Variants in MYO7B observed in about 807,000 individuals in gnomAD.
MYO7B encodes the protein myosin VIIB, also known as unconventional myosin-VIIb.
A neutral mutation model predicts 259.7 loss-of-function variants in MYO7B; 212 were observed. That is an observed-to-expected ratio of 0.82 (90% CI 0.73 to 0.91). The LOEUF (loss-of-function observed/expected upper bound fraction) is 0.91, where lower values mean the gene tolerates loss of function less well. MYO7B is among the 40% of genes least tolerant of loss of function. The pLI, the probability that MYO7B is intolerant of heterozygous loss-of-function variation, is 0.00. For missense variants in MYO7B, 2,732 were observed against 2,813.5 expected (o/e 0.97, Z 0.66); for synonymous variants, 1,197 against 1,166.4 (o/e 1.03, Z -0.54).
Position 127,578,227 on chromosome 2 carries a change from G to A in MYO7B, c.944G>A (p.Ser315Asn). The change falls in exon 9 of 48, where the codon AGC (serine) becomes AAC (asparagine). Residue 315 changes from serine (S) to asparagine (N), a missense_variant. This residue lies in a region of MYO7B where 1,906 missense variants were observed against 2,026.4 expected (regional missense o/e 0.94). Coordinates refer to ENST00000409816, the MANE Select transcript of MYO7B (RefSeq NM_001393586.1). ...MKILQFSDSESWDVIKLLAAI... is the reference protein window; with the variant it reads ...MKILQFSDSENWDVIKLLAAI... ...ATCCTCCAGTTCTCCGACTCCGAGA[G>A]CTGGGACGTCATCAAGCTGCTGGCT... The A allele has an allele frequency of 6.2e-7, 1 of 1,613,870 alleles. No individual in the cohort carries two copies. The highest frequency in any genetic ancestry group is 1.1e-5 in the South Asian group (1 of 91,066).
rs376191049 is a variant in MYO7B, at chr2:127,636,948, T to C, written c.6327+35T>C. 26 of 1,605,686 alleles carry C rather than the reference T, an allele frequency of 1.6e-5. No homozygotes were observed. Among genetic ancestry groups the C allele is most frequent in the Middle Eastern group, 1.6e-4 (1 of 6,062 alleles). On this transcript the variant is annotated intron_variant, in intron 47 of 47. Transcript: ENST00000409816. This position sits in a 1 kb window ranked among gnomAD's most constrained non-coding sequence, Gnocchi z 4.5. Reference sequence around the variant, plus strand: ...GGTTCTTTCTCCCATCCAAGATGCATAGGACAGAGCTGCTGGAGACTGGGT... The same window carrying C: ...GGTTCTTTCTCCCATCCAAGATGCACAGGACAGAGCTGCTGGAGACTGGGT...
chr2:127,602,999 C>CAA (rs1176015695), intron 19 of MYO7B, among the ~76,000 whole-genome samples: 2 of 120,646 alleles, frequency 1.7e-5, no homozygotes. Context: ...GACCTTGTCT[C>CAA]AAAAAAAAAA....
chr2:127,546,666 T>C lies in MYO7B; in HGVS notation c.-24+10835T>C, dbSNP rs1321298204. 6.6e-6 allele frequency among the ~76,000 whole-genome samples: 1 copy of C among 152,174 alleles called. No individual in the cohort carries two copies. The highest frequency in any genetic ancestry group is 1.5e-5 in the Non-Finnish European group (1 of 68,034). ...TGCCTCAGGGCTTAACAAAAGGAAC[T>C]GGACTAAGAAGTCATCCCATTCCCA... On this transcript the variant is annotated intron_variant, in intron 1 of 47. Transcript: ENST00000409816. The surrounding 1 kb of genome is among the most constrained non-coding windows in gnomAD (Gnocchi z 4.2).
rs1680266050 is a variant in MYO7B at position 127,608,888 on chromosome 2, G to A, written c.2814+10G>A. The A allele has an allele frequency of 1.9e-6, 3 of 1,609,062 alleles. No individual in the cohort carries two copies. The highest frequency in any genetic ancestry group is 1.3e-5 in the African/African-American group (1 of 74,900). ...CTCGCCGCACTTTGAGGTAACACAA[G>A]CCTGGTGTCCACAATCCGCCCCGGG... On this transcript the variant is annotated intron_variant, in intron 22 of 47. Coordinates refer to ENST00000409816, the MANE Select transcript of MYO7B (RefSeq NM_001393586.1).
At chr2:127,620,855 T>G (rs1680809356) in intron 27 of MYO7B, among the ~76,000 whole-genome samples, 1 of 152,258 alleles carries the variant, frequency 6.6e-6, no homozygotes, top group South Asian at 2.1e-4. Flanking sequence ...GGAGCTGGGT[T>G]GGCCGAGTGT....
intron 6 of MYO7B, 127 bp from the exon 7 acceptor site, chr2:127,573,793 T>G (rs1395630319): frequency 8.0e-7 from 1 of 1,254,760 alleles, no homozygotes. Context: ...CACTGTCTGG[T>G]GCAGCCGTGC....
Position 127,611,240 on chromosome 2 carries a change from G to A in MYO7B, c.3193-1010G>A. ...AGTGATCCAAGAAGAAAAGCAAGAA[G>A]GAAAGTGCAAATGTCCAGTCTTGGA... On this transcript the variant is annotated intron_variant, in intron 24 of 47. Coordinates refer to ENST00000409816, the MANE Select transcript of MYO7B (RefSeq NM_001393586.1). The surrounding 1 kb of genome is among the most constrained non-coding windows in gnomAD (Gnocchi z 5.4). Among the ~76,000 whole-genome samples the A allele has an allele frequency of 6.6e-6, 1 of 152,246 alleles. No homozygotes were observed. The highest frequency in any genetic ancestry group is 1.5e-5 in the Non-Finnish European group (1 of 68,046).
In MYO7B at chr2:127,609,225, G is replaced by A. The variant is rs1278910363; in HGVS notation, c.2815-281G>A. Among the ~76,000 whole-genome samples, 7 of 152,044 alleles carry A rather than the reference G, an allele frequency of 4.6e-5. No homozygotes were observed. The highest frequency in any genetic ancestry group is 2.6e-4 in the Admixed American group (4 of 15,278). ...GCAGTGTGGCTGAGGAAGCTGCAGT[G>A]AGGATGGTGCATGCGGCAGAGGACA... On this transcript the variant is annotated intron_variant, in intron 22 of 47. Transcript: ENST00000409816. The surrounding 1 kb of genome is among the most constrained non-coding windows in gnomAD (Gnocchi z 6.9).
At chr2:127,612,676 A>G in intron 26 of MYO7B, 73 bp downstream of exon 26, 1 of 1,551,456 alleles carries the variant, frequency 6.4e-7, no homozygotes, top group South Asian at 1.2e-5. Flanking sequence ...CCATGGCCAC[A>G]GCCTCCCCCA....
intron 12 of MYO7B, among the ~76,000 whole-genome samples, chr2:127,582,889 TCTGGCACCCCAGACTAGAAG>T (rs1679160375): frequency 6.6e-6 from 1 of 152,228 alleles, no homozygotes; most frequent in Non-Finnish European, 1.5e-5. Flanking sequence ...ATCCCAGTGT[TCTGGCACCCCAGACTAGAAG>T]CTGGAGAGCT....
At chr2:127,549,155 CCTTCCTTCCTTT>C (rs796693990) in intron 1 of MYO7B, among the ~76,000 whole-genome samples, 886 of 45,424 alleles carry the variant, frequency 0.02, 8 homozygotes, top group African/African-American at 0.073. Flanking sequence ...TTTCTTCCTT[CCTTCCTTCCTTT>C]CTTTCTTTCT....
In MYO7B at chr2:127,584,069, C is replaced by G; in HGVS notation, c.1344-53C>G. The stretch of plus-strand genomic sequence containing the variant: ...ATCCTATGGCTCCAGCCTGCTGCAG[C>G]GGGGACTCAGCTGGCCCCACTCCAC... On this transcript the variant is annotated intron_variant, in intron 12 of 47. Coordinates refer to ENST00000409816, the MANE Select transcript of MYO7B (RefSeq NM_001393586.1). This position sits in a 1 kb window ranked among gnomAD's most constrained non-coding sequence, Gnocchi z 5.8. 1 of 1,518,268 alleles carries G rather than the reference C, an allele frequency of 6.6e-7. No homozygotes were observed. The highest frequency in any genetic ancestry group is 9.0e-7 in the Non-Finnish European group (1 of 1,110,598). 94.0% of individuals were successfully genotyped at this position (1,518,268 alleles called of 1,614,324 possible).
At chr2:127,560,079 T>G (rs1678012148) in intron 2 of MYO7B, among the ~76,000 whole-genome samples, 1 of 150,298 alleles carries the variant, frequency 6.7e-6, no homozygotes, top group Non-Finnish European at 1.5e-5. Flanking sequence ...CAGGCTGGAG[T>G]CCAGTGGCAC....
intron 1 of MYO7B, among the ~76,000 whole-genome samples, chr2:127,550,558 C>CAAA (rs11354503): frequency 1.4e-5 from 2 of 141,530 alleles, no homozygotes; most frequent in Non-Finnish European, 3.1e-5. Context: ...ACTCTGTCTC[C>CAAA]AAAAAAAAAA....
intron 29 of MYO7B, 57 bp downstream of exon 29, chr2:127,623,432 C>T: frequency 6.8e-7 from 1 of 1,465,858 alleles, no homozygotes; most frequent in Non-Finnish European, 9.0e-7. Flanking sequence ...AGGGAGAGCA[C>T]CCTGAGGCTC....
At chr2:127,552,212 G>A (rs1416736240) in intron 1 of MYO7B, among the ~76,000 whole-genome samples, 1 of 152,110 alleles carries the variant, frequency 6.6e-6, no homozygotes, top group Non-Finnish European at 1.5e-5. Flanking sequence ...CATATGTGTG[G>A]GGTACAGTGA....
At chr2:127,620,904 A>C (rs940223428) in intron 27 of MYO7B, among the ~76,000 whole-genome samples, 9 of 152,358 alleles carry the variant, frequency 5.9e-5, no homozygotes, top group African/African-American at 1.2e-4. Context: ...ATGCCTTTAA[A>C]TTCTGATTAT....
At chr2:127,596,589 A>T in intron 19 of MYO7B, 33 bp downstream of exon 19, 2 of 1,541,862 alleles carry the variant, frequency 1.3e-6, no homozygotes, top group Admixed American at 3.6e-5. Flanking sequence ...CACCCAGCCT[A>T]CTCCTGCCCA....
At chr2:127,596,581 C>T in intron 19 of MYO7B, 25 bp downstream of exon 19, 2 of 1,574,306 alleles carry the variant, frequency 1.3e-6, no homozygotes, top group Non-Finnish European at 1.7e-6. Flanking sequence ...CCAAGGCCCA[C>T]CCAGCCTACT....
Sources: allele counts gnomAD v4.1 joint callset (sites outside exome capture counted in the v4.1 genomes callset), GRCh38; gene constraint gnomAD v4.1.1; regional missense constraint gnomAD v4.1.1; non-coding constraint Gnocchi (gnomAD v3.1); transcripts MANE v1.5; gene names NCBI Gene and HGNC (gene_info 2026-07-23, HGNC 2026-07-21).